XPNPEP1: variants seen among roughly 807,000 people sequenced by gnomAD.
XPNPEP1 encodes the protein xaa-Pro aminopeptidase 1.
Under a neutral mutation model 92.4 loss-of-function variants are expected in XPNPEP1, and 39 were observed. That is an observed-to-expected ratio of 0.42 (90% CI 0.33 to 0.55). The LOEUF is 0.55. XPNPEP1 is among the 20% of genes least tolerant of loss of function. The pLI is 0.08. For synonymous variants in XPNPEP1, 307 were observed against 299.4 expected, an observed-to-expected ratio of 1.03 and a Z score of -0.26; for missense variants, 654 against 856.1, an observed-to-expected ratio of 0.76 and a Z score of 2.95.
At chr10:109,920,967 G>A (rs553345977) in intron 1 of XPNPEP1, among the ~76,000 whole-genome samples, 1 of 152,268 alleles carries the variant, frequency 6.6e-6, no homozygotes, top group East Asian at 1.9e-4. Flanking sequence ...TCTGACAGGT[G>A]AGCTCAAACT....
chr10:109,877,729 C>A (rs1847859494), intron 14 of XPNPEP1, 61 bp downstream of exon 14: 1 of 1,605,050 alleles, frequency 6.2e-7, no homozygotes, highest in Non-Finnish European at 8.5e-7. Context: ...TGTCTCTCCC[C>A]TGCTCAGGCT....
intron 3 of XPNPEP1, among the ~76,000 whole-genome samples, chr10:109,904,293 A>G (rs1849439577): frequency 6.6e-6 from 1 of 150,400 alleles, no homozygotes; most frequent in Non-Finnish European, 1.5e-5. Flanking sequence ...TTCCAGCTTG[A>G]TATTCTACTT....
intron 3 of XPNPEP1, among the ~76,000 whole-genome samples, chr10:109,896,498 G>A (rs1429538960): frequency 4.9e-5 from 7 of 141,440 alleles, no homozygotes; most frequent in Non-Finnish European, 7.5e-5. Flanking sequence ...TTGAACTTCT[G>A]GGCTCAAGTG....
chr10:109,883,032 G>A (rs900697107), intron 9 of XPNPEP1, among the ~76,000 whole-genome samples: 6 of 152,072 alleles, frequency 3.9e-5, no homozygotes, highest in South Asian at 2.1e-4. Context: ...CCCATCTACC[G>A]ATGTTTCAGT....
At chr10:109,887,391 C>T (rs1178079802) in intron 7 of XPNPEP1, among the ~76,000 whole-genome samples, 4 of 152,134 alleles carry the variant, frequency 2.6e-5, no homozygotes, top group African/African-American at 9.7e-5. Flanking sequence ...AAAACTTGGC[C>T]CAGAATCTAG....
intron 3 of XPNPEP1, 85 bp downstream of exon 3, chr10:109,907,606 G>A: frequency 6.3e-7 from 1 of 1,578,148 alleles, no homozygotes; most frequent in Non-Finnish European, 8.6e-7. Context: ...CCCTGGTTGT[G>A]GGTTGACAAT....
chr10:109,882,518 T>C lies in XPNPEP1; in HGVS notation c.955A>G (p.Lys319Glu). The change falls in exon 10 of 21, where the codon AAG (lysine) becomes GAG (glutamate). Residue 319 changes from lysine (K) to glutamate (E), a missense_variant. Coordinates refer to ENST00000502935, the MANE Select transcript of XPNPEP1 (RefSeq NM_020383.4). ...HPYKSILSEL[K>E]ALCADLSPRE... Reference sequence around the variant, plus strand: ...GGGGAGAGGTCAGCACACAGGGCCTTGAGCTCGCTCAGGATGGACTTGTAG... The same window carrying C: ...GGGGAGAGGTCAGCACACAGGGCCTCGAGCTCGCTCAGGATGGACTTGTAG... 1.2e-6 allele frequency: 2 copies of C among 1,614,230 alleles called. No individual in the cohort carries two copies. Among genetic ancestry groups the C allele is most frequent in the Non-Finnish European group, 1.7e-6 (2 of 1,180,034 alleles).
chr10:109,877,662 C>T, intron 14 of XPNPEP1, 128 bp downstream of exon 14: 11 of 1,171,748 alleles, frequency 9.4e-6, no homozygotes, highest in Non-Finnish European at 1.4e-5. Context: ...TATTTCCCTT[C>T]ATTTTACAGT....
intron 3 of XPNPEP1, among the ~76,000 whole-genome samples, chr10:109,900,751 T>A (rs1451033487): frequency 6.6e-6 from 1 of 152,178 alleles, no homozygotes; most frequent in African/African-American, 2.4e-5. Flanking sequence ...CCTCTGATCA[T>A]GTCACTCTAA....
intron 9 of XPNPEP1, 124 bp from the exon 10 acceptor site, chr10:109,882,766 C>T: frequency 8.2e-6 from 8 of 981,414 alleles, no homozygotes; most frequent in Non-Finnish European, 1.2e-5. Flanking sequence ...CTTTTCTCTC[C>T]TCCCCACTCC....
intron 1 of XPNPEP1, among the ~76,000 whole-genome samples, chr10:109,923,024 C>G (rs547171764): frequency 2.0e-5 from 3 of 152,310 alleles, no homozygotes; most frequent in African/African-American, 7.2e-5. Flanking sequence ...GAAGCGAGGG[C>G]AAAGGCTCGC....
intron 12 of XPNPEP1, 69 bp from the exon 13 acceptor site, chr10:109,878,127 G>A (rs1264046955): frequency 6.3e-7 from 1 of 1,575,894 alleles, no homozygotes; most frequent in African/African-American, 1.3e-5. Flanking sequence ...AATTAGAGGA[G>A]GTACATTAAA....
chr10:109,895,127 A>C (rs1463132101), intron 3 of XPNPEP1, among the ~76,000 whole-genome samples: 4 of 152,244 alleles, frequency 2.6e-5, no homozygotes, highest in African/African-American at 9.6e-5. Context: ...GGGAAAACTA[A>C]GTTAAAAATA....
At chr10:109,907,388 T>C (rs544506402) in intron 3 of XPNPEP1, among the ~76,000 whole-genome samples, 1 of 152,348 alleles carries the variant, frequency 6.6e-6, no homozygotes, top group East Asian at 1.9e-4. Context: ...CAAACAATTC[T>C]GCTAGGAACA....
In XPNPEP1 at chr10:109,865,007, C is replaced by G; in HGVS notation, c.*177G>C. 1.1e-6 allele frequency: 1 copy of G among 906,432 alleles called. No homozygotes were observed. Among genetic ancestry groups the G allele is most frequent in the South Asian group, 1.8e-5 (1 of 55,490 alleles). 56.1% of individuals were successfully genotyped at this position (906,432 alleles called of 1,614,324 possible). A position where few individuals can be genotyped will look rare whatever the true frequency, so the allele number is the denominator to read the frequency against. On this transcript the variant is annotated 3_prime_UTR_variant, in exon 21 of 21. Coordinates refer to ENST00000502935, the MANE Select transcript of XPNPEP1 (RefSeq NM_020383.4). ...TCAACAATTAAAAAATCATAAAAGA[C>G]TGAGTGTTTGCAATAAAATATCAAA... is the stretch of plus-strand genomic sequence containing the variant.
intron 4 of XPNPEP1, among the ~76,000 whole-genome samples, chr10:109,892,212 A>G (rs948982464): frequency 6.6e-6 from 1 of 152,204 alleles, no homozygotes; most frequent in African/African-American, 2.4e-5. Context: ...CTGCTCCACC[A>G]GACACCCCAG....
In XPNPEP1 at chr10:109,870,907, G is replaced by A; in HGVS notation, c.1523-3C>T. 1 of 1,612,956 alleles carries A rather than the reference G, an allele frequency of 6.2e-7. No individual in the cohort carries two copies. Among genetic ancestry groups the A allele is most frequent in the Non-Finnish European group, 8.5e-7 (1 of 1,179,572 alleles). On this transcript the variant is annotated splice_polypyrimidine_tract_variant and splice_region_variant and intron_variant, in intron 17 of 20. Transcript: ENST00000502935. Reference sequence around the variant, plus strand: ...GGCAAAGGAGTCAAGAAGGTGACCTGAAAGACATAAAGAGCCACTTAATTG... The same window carrying A: ...GGCAAAGGAGTCAAGAAGGTGACCTAAAAGACATAAAGAGCCACTTAATTG...
At chr10:109,866,790 A>T (rs1847168254) in intron 20 of XPNPEP1, among the ~76,000 whole-genome samples, 2 of 152,264 alleles carry the variant, frequency 1.3e-5, no homozygotes, top group African/African-American at 4.8e-5. Context: ...TAAAAGCCAG[A>T]TATTTTAAGA....
At chr10:109,905,591 G>A (rs1456281913) in intron 3 of XPNPEP1, among the ~76,000 whole-genome samples, 13 of 152,072 alleles carry the variant, frequency 8.5e-5, no homozygotes, top group Non-Finnish European at 8.8e-5. Flanking sequence ...GCTGTTTAAT[G>A]GATATAAAGT....
Sources: allele counts gnomAD v4.1 joint callset (sites outside exome capture counted in the v4.1 genomes callset), GRCh38; gene constraint gnomAD v4.1.1; transcripts MANE v1.5; gene names NCBI Gene and HGNC (gene_info 2026-07-23, HGNC 2026-07-21).